Variants in EFCAB12 observed in about 807,000 individuals in gnomAD.
EFCAB12 encodes EF-hand calcium binding domain 12.
In EFCAB12, 43 loss-of-function variants were observed where a neutral mutation model predicts 53.6. The observed-to-expected ratio is 0.80, with a 90% CI of 0.63 to 1.03. EFCAB12 has a LOEUF of 1.03. EFCAB12 is among the 50% of genes least tolerant of loss of function. The pLI is 0.00. For synonymous variants in EFCAB12, 269 were observed against 289.2 expected (o/e 0.93, Z 0.71); for missense variants, 646 against 730.6 (o/e 0.88, Z 1.34).
intron 5 of EFCAB12, 70 bp from the exon 6 acceptor site, chr3:129,408,928 G>A: frequency 6.6e-7 from 1 of 1,510,262 alleles, no homozygotes; most frequent in Non-Finnish European, 9.0e-7. Flanking sequence ...GAAGAAGGAA[G>A]ATGCAGTGCC....
At chr3:129,402,989 A>C in intron 7 of EFCAB12, 1 of 170,498 alleles carries the variant, frequency 5.9e-6, no homozygotes, top group Non-Finnish European at 1.3e-5. Context: ...GTGAAATCTA[A>C]CCCCCTTCCC....
At chr3:129,424,042 CCAT>C (rs973963916) in intron 1 of EFCAB12, among the ~76,000 whole-genome samples, 1 of 152,180 alleles carries the variant, frequency 6.6e-6, no homozygotes, top group African/African-American at 2.4e-5. Context: ...ACACTTAGTC[CCAT>C]CATAAGCATT....
chr3:129,401,391 C>T lies in EFCAB12; in HGVS notation c.*202G>A. On this transcript the variant is annotated 3_prime_UTR_variant, in exon 9 of 9. Transcript: ENST00000505956. ...GTCAGGGGAGGGAAATAGTCAAAAA[C>T]TGCACGTCATTCCTTGGACACATCT... 1.6e-6 allele frequency: 1 copy of T among 624,132 alleles called. No homozygotes were observed. Among genetic ancestry groups the T allele is most frequent in the Non-Finnish European group, 2.5e-6 (1 of 398,380 alleles). 38.7% of individuals were successfully genotyped at this position (624,132 alleles called of 1,614,324 possible).
At chr3:129,409,122 A>G (rs1227936722) in intron 5 of EFCAB12, among the ~76,000 whole-genome samples, 1 of 152,224 alleles carries the variant, frequency 6.6e-6, no homozygotes, top group Non-Finnish European at 1.5e-5. Context: ...ATGGTAAAAC[A>G]CAGTACACAT....
intron 3 of EFCAB12, among the ~76,000 whole-genome samples, chr3:129,415,634 A>C (rs2072106341): frequency 6.6e-6 from 1 of 152,156 alleles, no homozygotes; most frequent in Non-Finnish European, 1.5e-5. Context: ...TCTCTGCCTG[A>C]AAAACTCCTA....
chr3:129,401,768 T>A lies in EFCAB12; in HGVS notation c.1544A>T (p.Gln515Leu). 12 of 1,610,566 alleles carry A rather than the reference T, an allele frequency of 7.5e-6. No individual in the cohort carries two copies. The highest frequency in any genetic ancestry group is 1.0e-5 in the Non-Finnish European group (12 of 1,178,340). Reference protein sequence around the residue: ...FWPGHLLDKLQLYLPTVATDR... With the variant: ...FWPGHLLDKLLLYLPTVATDR... The stretch of plus-strand genomic sequence containing the variant: ...TGTGGCCACAGTGGGCAGGTAGAGC[T>A]GCAGCTTATCCAGAAGATGACCCGG... The change falls in exon 9 of 9, where the codon CAG becomes CTG. Residue 515 changes from glutamine to leucine, a missense_variant. Coordinates refer to ENST00000505956, the MANE Select transcript of EFCAB12 (RefSeq NM_207307.3).
chr3:129,426,364 T>TTG (rs1553720164), intron 1 of EFCAB12, among the ~76,000 whole-genome samples: 4 of 131,660 alleles, frequency 3.0e-5, no homozygotes, highest in African/African-American at 1.3e-4. Flanking sequence ...TTTTTGTTTT[T>TTG]TTTTTTTTTT....
At position 129,404,252 on chromosome 3, in the gene EFCAB12, G is replaced by A; in HGVS notation, c.1401C>T (p.Asp467=). 1 of 1,612,500 alleles carries A rather than the reference G, an allele frequency of 6.2e-7. No individual in the cohort carries two copies. The highest frequency in any genetic ancestry group is 8.5e-7 in the Non-Finnish European group (1 of 1,179,070). The change falls in exon 7 of 9, where the codon GAC becomes GAT. Residue 467 remains aspartate (D), a splice_region_variant and synonymous_variant. Transcript: ENST00000505956. ...AGAAAGGGGGTCCGAAACTCAGCTT[G>A]TCAGTCCTCTTAGACTTGCCAGGGC... ...SQGPGKSKRT[D]KKTPKKSKKM...
rs1304953606 is a variant in EFCAB12, at chr3:129,421,474, C to A, written c.379G>T (p.Glu127Ter). 2 of 1,614,026 alleles carry A rather than the reference C, an allele frequency of 1.2e-6. No individual in the cohort carries two copies. Among genetic ancestry groups the A allele is most frequent in the Non-Finnish European group, 1.7e-6 (2 of 1,179,896 alleles). Reference sequence around the variant, plus strand: ...GAAGGCGTGATGCTGGGCTTGTTCTCCAGCCACCTCTTTACATCACCAAAG... The same window carrying A: ...GAAGGCGTGATGCTGGGCTTGTTCTACAGCCACCTCTTTACATCACCAAAG... ...ESFGDVKRWL[E>*]NKPSITPSEA... The change falls in exon 2 of 9, where the codon GAG (glutamate) becomes TAG (stop). Residue 127 changes from glutamate to a stop codon, truncating the protein, a stop_gained. Coordinates refer to ENST00000505956, the MANE Select transcript of EFCAB12 (RefSeq NM_207307.3). LOFTEE classifies it high-confidence loss of function.
intron 2 of EFCAB12, 36 bp from the exon 3 acceptor site, chr3:129,418,484 T>C (rs1559790609): frequency 6.5e-7 from 1 of 1,547,662 alleles, no homozygotes; most frequent in East Asian, 2.3e-5. Flanking sequence ...GAGGAGAGAG[T>C]TCAAAGGAGA....
Position 129,408,753 on chromosome 3 carries a change from T to G in EFCAB12, c.1141A>C (p.Arg381=), listed in dbSNP as rs778775973. 6.3e-7 allele frequency: 1 copy of G among 1,581,572 alleles called. No individual in the cohort carries two copies. Among genetic ancestry groups the G allele is most frequent in the South Asian group, 1.2e-5 (1 of 86,422 alleles). Reference sequence around the variant, plus strand: ...CTGCGGGCCGAGTCAATGAGCTCCCTCATATCCCCGTGGATGGTGGACGGG... The same window carrying G: ...CTGCGGGCCGAGTCAATGAGCTCCCGCATATCCCCGTGGATGGTGGACGGG... ...CLPSTIHGDM[R]ELIDSARRHN... is the part of the protein sequence containing the mutation. Residue 381 remains arginine, a synonymous_variant, in exon 6 of 9, where the codon AGG becomes CGG. Transcript: ENST00000505956.
At position 129,418,346 on chromosome 3, in the gene EFCAB12, G is replaced by C. The variant is rs537090084; in HGVS notation, c.589C>G (p.Arg197Gly). The C allele has an allele frequency of 6.2e-7, 1 of 1,613,886 alleles. No individual in the cohort carries two copies. Among genetic ancestry groups the C allele is most frequent in the South Asian group, 1.1e-5 (1 of 91,050 alleles). Reference sequence around the variant, plus strand: ...AATATCTCCAGGATCTTGATCTTGCGGCTATGCAGGTAGGAGTACATGACC... The same window carrying C: ...AATATCTCCAGGATCTTGATCTTGCCGCTATGCAGGTAGGAGTACATGACC... ...LSVMYSYLHS[R>G]KIKILEIFHK... The change falls in exon 3 of 9, where the codon CGC becomes GGC. Residue 197 changes from arginine (R) to glycine (G), a missense_variant. Transcript: ENST00000505956.
In EFCAB12 at chr3:129,408,656, A is replaced by G. The variant is rs2071985539; in HGVS notation, c.1238T>C (p.Ile413Thr). ...KSYGLPLTED[I>T]LMKALLYPGD... ...ACCGAGGCCCTTACCTTTCATGAGG[A>G]TGTCCTCTGTCAGCGGGAGGCCATA... The change falls in exon 6 of 9, where the codon ATC becomes ACC. Residue 413 changes from isoleucine to threonine, a missense_variant. Physicochemically the swap from Ile to Thr is moderately conservative, Grantham distance 89. Transcript: ENST00000505956. 6.4e-7 allele frequency: 1 copy of G among 1,572,124 alleles called. No homozygotes were observed. Among genetic ancestry groups the G allele is most frequent in the South Asian group, 1.2e-5 (1 of 85,620 alleles).
intron 5 of EFCAB12, among the ~76,000 whole-genome samples, chr3:129,410,847 T>C (rs759674915): frequency 2.0e-5 from 3 of 152,190 alleles, no homozygotes; most frequent in African/African-American, 4.8e-5. Context: ...TGTCAGGCCC[T>C]GTGCCAGGTG....
Position 129,418,248 on chromosome 3 carries a change from A to G in EFCAB12, c.681+6T>C, listed in dbSNP as rs753060713. 1.2e-6 allele frequency: 2 copies of G among 1,602,574 alleles called. No homozygotes were observed. Among genetic ancestry groups the G allele is most frequent in the East Asian group, 2.2e-5 (1 of 44,740 alleles). ...GGCCCATCCAGAGAAAGCAGGTGGCACTTACTGCCTTTACAGCCGCGATGA... is the reference window on the plus strand; with the variant it reads ...GGCCCATCCAGAGAAAGCAGGTGGCGCTTACTGCCTTTACAGCCGCGATGA... On this transcript the variant is annotated splice_donor_region_variant and intron_variant, in intron 3 of 8. Transcript: ENST00000505956.
chr3:129,427,456 G>A (rs1330525536), intron 1 of EFCAB12, among the ~76,000 whole-genome samples: 2 of 152,132 alleles, frequency 1.3e-5, no homozygotes, highest in Non-Finnish European at 2.9e-5. Flanking sequence ...TGCCTCTTCT[G>A]TGTTTCCTGA....
chr3:129,408,763 G>C lies in EFCAB12; in HGVS notation c.1131C>G (p.His377Gln). The change falls in exon 6 of 9, where the codon CAC becomes CAG. Residue 377 changes from histidine (H) to glutamine (Q), a missense_variant. Transcript: ENST00000505956. ...FDEHCLPSTI[H>Q]GDMRELIDSA... is the part of the protein sequence containing the mutation. Reference sequence around the variant, plus strand: ...AGTCAATGAGCTCCCTCATATCCCCGTGGATGGTGGACGGGAGGCAGTGCT... The same window carrying C: ...AGTCAATGAGCTCCCTCATATCCCCCTGGATGGTGGACGGGAGGCAGTGCT... The C allele has an allele frequency of 6.3e-7, 1 of 1,578,728 alleles. No individual in the cohort carries two copies.
intron 3 of EFCAB12, among the ~76,000 whole-genome samples, chr3:129,416,074 T>C (rs12632473): frequency 0.056 from 8,544 of 152,264 alleles, 824 homozygotes; most frequent in East Asian, 0.44. Context: ...TGAGCCACTG[T>C]GCCTAGCCTT....
chr3:129,415,812 A>C (rs2072108589), intron 3 of EFCAB12, among the ~76,000 whole-genome samples: 1 of 152,134 alleles, frequency 6.6e-6, no homozygotes, highest in South Asian at 2.1e-4. Context: ...TAACACATAA[A>C]TCTCCCTTAA....
Sources: gnomAD v4.1 joint callset for allele counts (sites outside exome capture counted in the v4.1 genomes callset) on GRCh38, gnomAD v4.1.1 for gene constraint, MANE v1.5 for transcripts, NCBI Gene and HGNC (gene_info 2026-07-23, HGNC 2026-07-21) for gene names.